CNTNAP5: variants seen among roughly 807,000 people sequenced by gnomAD.
CNTNAP5 encodes contactin-associated protein-like 5.
Under a neutral mutation model 150.2 loss-of-function variants are expected in CNTNAP5, and 72 were observed. The observed-to-expected ratio is 0.48, with a 90% CI of 0.40 to 0.58. The LOEUF (loss-of-function observed/expected upper bound fraction) is 0.58. CNTNAP5 is among the 20% of genes least tolerant of loss of function. The probability of loss-of-function intolerance (pLI) is 0.00; values close to 1 mark genes in which losing one functional copy is unlikely to be tolerated. For missense variants in CNTNAP5, 1,636 were observed against 1,626.2 expected (o/e 1.01, Z -0.10); for synonymous variants, 672 against 619.8 (o/e 1.08, Z -1.25).
intron 5 of CNTNAP5, among the ~76,000 whole-genome samples, chr2:124,439,206 T>G (rs1692615033): frequency 6.6e-6 from 1 of 152,084 alleles, no homozygotes; most frequent in Non-Finnish European, 1.5e-5. Flanking sequence ...GAAAAACAGG[T>G]ATTTCATACA....
chr2:124,660,978 A>T (rs1047319733), intron 13 of CNTNAP5, among the ~76,000 whole-genome samples: 2 of 151,328 alleles, frequency 1.3e-5, no homozygotes, highest in Admixed American at 6.6e-5. Context: ...AGAAAAAAAA[A>T]TTTACGCTGT....
intron 3 of CNTNAP5, among the ~76,000 whole-genome samples, chr2:124,400,005 T>G (rs527805167): frequency 6.6e-6 from 1 of 152,234 alleles, no homozygotes; most frequent in South Asian, 2.1e-4. Flanking sequence ...ATCCTTTGTT[T>G]TCCATCCAAA....
At chr2:124,511,444 T>C (rs1694587322) in intron 8 of CNTNAP5, among the ~76,000 whole-genome samples, 1 of 152,238 alleles carries the variant, frequency 6.6e-6, no homozygotes, top group Non-Finnish European at 1.5e-5. Context: ...TGTCAGCCAG[T>C]CTGGCCAAAG....
chr2:124,044,213 T>G (rs1681467436), intron 1 of CNTNAP5, among the ~76,000 whole-genome samples: 1 of 152,216 alleles, frequency 6.6e-6, no homozygotes, highest in Admixed American at 6.5e-5. Context: ...CATACATTAC[T>G]ACTAATCTGG....
chr2:124,604,261 C>T (rs1045382653), intron 11 of CNTNAP5, among the ~76,000 whole-genome samples: 5 of 151,970 alleles, frequency 3.3e-5, no homozygotes, highest in Admixed American at 1.3e-4. Context: ...AATTTAGTTT[C>T]TGTTGATAAG....
chr2:124,517,173 G>T (rs995233128), intron 8 of CNTNAP5, among the ~76,000 whole-genome samples: 3 of 152,050 alleles, frequency 2.0e-5, no homozygotes, highest in Admixed American at 2.0e-4. Context: ...ATTGGTGATG[G>T]AGTGTTGTGG....
intron 11 of CNTNAP5, 114 bp downstream of exon 11, chr2:124,563,437 A>G (rs1428685405): frequency 1.5e-6 from 1 of 664,948 alleles, no homozygotes; most frequent in East Asian, 2.7e-5. Flanking sequence ...CTCATTCAGC[A>G]TGTGTGTTTT....
intron 19 of CNTNAP5, among the ~76,000 whole-genome samples, chr2:124,857,228 C>T (rs1046532270): frequency 6.6e-6 from 1 of 152,072 alleles, no homozygotes; most frequent in African/African-American, 2.4e-5. Context: ...TACTAGCCTT[C>T]ACTGTCCGCA....
chr2:124,285,168 C>T (rs1373706529), intron 3 of CNTNAP5, among the ~76,000 whole-genome samples: 4 of 152,158 alleles, frequency 2.6e-5, no homozygotes, highest in Non-Finnish European at 5.9e-5. Flanking sequence ...TCCCAGATAG[C>T]GTTCTCTTCA....
chr2:124,855,285 G>A (rs1448842161), intron 19 of CNTNAP5, among the ~76,000 whole-genome samples: 1 of 139,046 alleles, frequency 7.2e-6, no homozygotes, highest in Admixed American at 8.2e-5. Context: ...TCAAGCAATT[G>A]TCCTGTCTCA....
At position 124,557,322 on chromosome 2, in the gene CNTNAP5, A is replaced by T. The variant is rs75940164; in HGVS notation, c.1650-5895A>T. On this transcript the variant is annotated intron_variant, in intron 10 of 23. Coordinates refer to ENST00000682447, the MANE Select transcript of CNTNAP5 (RefSeq NM_001367498.1). ...AAGGCTCTTTTTCCACTGTTTTCTC[A>T]CCTCTTAAAAAAAAAACACAAAAGT... 1.6e-4 allele frequency among the ~76,000 whole-genome samples: 20 copies of T among 125,014 alleles called. No individual in the cohort carries two copies. In the East Asian group the frequency reaches 6.2e-3, roughly 39 times the overall value. The allele number at this position is 125,014 out of a possible 152,430, so 82.0% of individuals were successfully genotyped here.
At chr2:124,588,184 CTTTCTTTCT>C (rs1558966067) in intron 11 of CNTNAP5, among the ~76,000 whole-genome samples, 17,156 of 114,582 alleles carry the variant, frequency 0.15, 1,617 homozygotes, top group East Asian at 0.18. Flanking sequence ...TTCCTTCTTT[CTTTCTTTCT>C]TTCTTTCTTT....
chr2:124,575,799 G>T (rs1016705336), intron 11 of CNTNAP5, among the ~76,000 whole-genome samples: 1 of 152,136 alleles, frequency 6.6e-6, no homozygotes, highest in African/African-American at 2.4e-5. Flanking sequence ...TGCAAAATAG[G>T]TATTGAGAGA....
At chr2:124,411,352 G>C (rs1485933767) in intron 3 of CNTNAP5, among the ~76,000 whole-genome samples, 1 of 152,110 alleles carries the variant, frequency 6.6e-6, no homozygotes, top group Non-Finnish European at 1.5e-5. Flanking sequence ...AATAGAAAAA[G>C]AGGGTATCCT....
At chr2:124,508,311 G>T (rs1175954962) in intron 8 of CNTNAP5, among the ~76,000 whole-genome samples, 1 of 152,202 alleles carries the variant, frequency 6.6e-6, no homozygotes, top group Non-Finnish European at 1.5e-5. Context: ...ATGGAGGTGA[G>T]TTAATCACTT....
At chr2:124,126,646 C>T (rs117249375) in intron 1 of CNTNAP5, among the ~76,000 whole-genome samples, 7,225 of 152,100 alleles carry the variant, frequency 0.048, 259 homozygotes, top group South Asian at 0.15. Context: ...TGAACATCAA[C>T]GCAAAATTCC....
chr2:124,025,561 C>T lies in CNTNAP5; in HGVS notation c.-90C>T, dbSNP rs1680859443. The stretch of plus-strand genomic sequence containing the variant: ...CAAGCGGGGGTGGGAGGGGGTCAGG[C>T]TGTGCAGAGGAGAGAGACAGCGAGA... On this transcript the variant is annotated 5_prime_UTR_variant, in exon 1 of 24. Coordinates refer to ENST00000682447, the MANE Select transcript of CNTNAP5 (RefSeq NM_001367498.1). 1.8e-6 allele frequency: 2 copies of T among 1,130,782 alleles called. No individual in the cohort carries two copies. The highest frequency in any genetic ancestry group is 2.7e-6 in the Non-Finnish European group (2 of 743,422). The allele number at this position is 1,130,782 out of a possible 1,614,324, so 70.0% of individuals were successfully genotyped here.
At chr2:124,861,840 A>T (rs898205598) in intron 19 of CNTNAP5, among the ~76,000 whole-genome samples, 1 of 152,074 alleles carries the variant, frequency 6.6e-6, no homozygotes, top group East Asian at 1.9e-4. Flanking sequence ...TTGAGACAGA[A>T]TCTTGCTCTA....
At chr2:124,309,097 G>A (rs1221637639) in intron 3 of CNTNAP5, among the ~76,000 whole-genome samples, 1 of 152,058 alleles carries the variant, frequency 6.6e-6, no homozygotes, top group Non-Finnish European at 1.5e-5. Flanking sequence ...TCTAAATTAA[G>A]CACATCAAAA....
Sources: allele counts gnomAD v4.1 joint callset (sites outside exome capture counted in the v4.1 genomes callset), GRCh38; gene constraint gnomAD v4.1.1; transcripts MANE v1.5; gene names NCBI Gene and HGNC (gene_info 2026-07-23, HGNC 2026-07-21).